KCNIP4: variants seen among roughly 807,000 people sequenced by gnomAD.
The protein encoded by KCNIP4 is potassium voltage-gated channel interacting protein 4.
Under a neutral mutation model 34.0 loss-of-function variants are expected in KCNIP4, and 12 were observed. The ratio of observed to expected loss-of-function variants is 0.35; its 90% CI spans 0.23 to 0.57. KCNIP4 has a LOEUF of 0.57. Ranked by LOEUF, KCNIP4 falls within the 20% of genes least tolerant of loss-of-function variation. KCNIP4 has a pLI of 0.83. For synonymous variants in KCNIP4, 124 were observed against 102.2 expected (o/e 1.21, Z -1.29); for missense variants, 238 against 311.7 (o/e 0.76, Z 1.78).
At chr4:21,053,624 T>A (rs1743129613) in intron 1 of KCNIP4, among the ~76,000 whole-genome samples, 1 of 152,188 alleles carries the variant, frequency 6.6e-6, no homozygotes, top group Non-Finnish European at 1.5e-5. Context: ...TACGAAAGAA[T>A]TGATAAAAAC....
chr4:20,830,520 G>A (rs1370670360), intron 3 of KCNIP4, among the ~76,000 whole-genome samples: 3 of 152,096 alleles, frequency 2.0e-5, no homozygotes, highest in Non-Finnish European at 4.4e-5. Context: ...CTGTGATTTT[G>A]AGATGGGAAT....
intron 4 of KCNIP4, among the ~76,000 whole-genome samples, chr4:20,756,360 A>G (rs761411879): frequency 4.6e-5 from 7 of 152,108 alleles, no homozygotes; most frequent in Non-Finnish European, 8.8e-5. Flanking sequence ...ATCCCATCGC[A>G]TCACTATCTT....
At chr4:20,992,849 G>C (rs1396243043) in intron 1 of KCNIP4, among the ~76,000 whole-genome samples, 1 of 151,892 alleles carries the variant, frequency 6.6e-6, no homozygotes, top group African/African-American at 2.4e-5. Context: ...CCAACATAGT[G>C]AAACCCTGTC....
intron 1 of KCNIP4, among the ~76,000 whole-genome samples, chr4:21,907,373 C>G (rs909469868): frequency 4.6e-5 from 7 of 152,160 alleles, no homozygotes; most frequent in African/African-American, 1.7e-4. Context: ...AGTACGAAAG[C>G]CTTCACCAGA....
At chr4:21,016,363 A>G (rs894415541) in intron 1 of KCNIP4, among the ~76,000 whole-genome samples, 3 of 151,142 alleles carry the variant, frequency 2.0e-5, no homozygotes, top group South Asian at 2.1e-4. Flanking sequence ...CAGTGGCCCA[A>G]TCTCAGCACA....
chr4:21,439,763 G>C (rs1727290666), intron 1 of KCNIP4, among the ~76,000 whole-genome samples: 1 of 146,756 alleles, frequency 6.8e-6, no homozygotes, highest in African/African-American at 2.5e-5. Context: ...TATCAAACTG[G>C]CTCTAATGTG....
chr4:21,686,086 C>A (rs955789811), intron 1 of KCNIP4, among the ~76,000 whole-genome samples: 5 of 152,102 alleles, frequency 3.3e-5, no homozygotes, highest in Non-Finnish European at 7.4e-5. Context: ...TTGTATCTCC[C>A]ATCATAAAAC....
At chr4:21,032,005 G>A (rs1164741015) in intron 1 of KCNIP4, among the ~76,000 whole-genome samples, 2 of 152,094 alleles carry the variant, frequency 1.3e-5, no homozygotes, top group Admixed American at 1.3e-4. Flanking sequence ...ATGTCAACAA[G>A]CAGCAAAGCC....
intron 1 of KCNIP4, among the ~76,000 whole-genome samples, chr4:21,503,284 CATT>C (rs1733513625): frequency 1.3e-5 from 2 of 152,104 alleles, no homozygotes; most frequent in Non-Finnish European, 2.9e-5. Context: ...ACACCTCTCT[CATT>C]ATATAAAGCA....
At chr4:21,440,776 GA>G (rs1268286583) in intron 1 of KCNIP4, among the ~76,000 whole-genome samples, 1 of 152,142 alleles carries the variant, frequency 6.6e-6, no homozygotes, top group Non-Finnish European at 1.5e-5. Flanking sequence ...CAAGCCAAAT[GA>G]AATGATTGGG....
chr4:21,948,655 G>A lies in KCNIP4; in HGVS notation c.-24C>T. The A allele has an allele frequency of 1.2e-6, 2 of 1,608,768 alleles. No homozygotes were observed. Among genetic ancestry groups the A allele is most frequent in the Non-Finnish European group, 1.7e-6 (2 of 1,177,446 alleles). ...ATGTCTAGGGACGCAGGGTGCAGAAGCGAGACTCGAGAGTCCACCGGCCAG... is the reference window on the plus strand; with the variant it reads ...ATGTCTAGGGACGCAGGGTGCAGAAACGAGACTCGAGAGTCCACCGGCCAG... On this transcript the variant is annotated 5_prime_UTR_variant, in exon 1 of 9. Transcript: ENST00000382152.
At chr4:21,292,937 C>CAATG (rs1213302282) in intron 1 of KCNIP4, among the ~76,000 whole-genome samples, 4 of 152,016 alleles carry the variant, frequency 2.6e-5, no homozygotes, top group South Asian at 2.1e-4. Flanking sequence ...ATTATAAATT[C>CAATG]AATGAATGAA....
At position 21,935,962 on chromosome 4, in the gene KCNIP4, T is replaced by TTATATATATA. The variant is rs55704216; in HGVS notation, c.61+12599_61+12608dup. ...CAAATATACCCAAAAGAAATGAAGA[T>TTATATATATA]TATATATATATATATATGCGCACAT... On this transcript the variant is annotated intron_variant, in intron 1 of 8. Transcript: ENST00000382152. Among the ~76,000 whole-genome samples the TTATATATATA allele has an allele frequency of 2.0e-3, 289 of 148,046 alleles. 2 individuals are homozygous for TTATATATATA. The highest frequency in any genetic ancestry group is 5.0e-3 in the African/African-American group (204 of 40,504).
At chr4:20,841,350 G>C (rs2149471683) in intron 3 of KCNIP4, among the ~76,000 whole-genome samples, 1 of 152,262 alleles carries the variant, frequency 6.6e-6, no homozygotes, top group African/African-American at 2.4e-5. Context: ...CCTGCTGTCA[G>C]GAAGCTTAAA....
At chr4:20,788,184 A>G (rs973521047) in intron 3 of KCNIP4, among the ~76,000 whole-genome samples, 7 of 152,280 alleles carry the variant, frequency 4.6e-5, no homozygotes, top group Admixed American at 3.3e-4. Flanking sequence ...GTAGTCTAGC[A>G]AGTATTTTAA....
intron 1 of KCNIP4, among the ~76,000 whole-genome samples, chr4:21,023,891 G>A (rs1027810640): frequency 4.0e-5 from 6 of 151,718 alleles, no homozygotes; most frequent in African/African-American, 1.2e-4. Flanking sequence ...GAAAAAAAAC[G>A]AAAAAAGAAA....
chr4:21,312,158 C>T (rs1428192756), intron 1 of KCNIP4, among the ~76,000 whole-genome samples: 1 of 152,140 alleles, frequency 6.6e-6, no homozygotes, highest in African/African-American at 2.4e-5. Flanking sequence ...TTGAGCTGTA[C>T]ATTACCACAT....
chr4:21,065,434 A>G (rs1444934957), intron 1 of KCNIP4, among the ~76,000 whole-genome samples: 1 of 152,036 alleles, frequency 6.6e-6, no homozygotes, highest in Non-Finnish European at 1.5e-5. Flanking sequence ...TACTCCTACA[A>G]TTGGTTTGAT....
chr4:21,389,100 C>T lies in KCNIP4; in HGVS notation c.62-506391G>A, dbSNP rs140171993. On this transcript the variant is annotated intron_variant, in intron 1 of 8. Transcript: ENST00000382152. ...CCCTGGGCTCAGGTGATCCTCCCAC[C>T]GCAACTTCCTTAGAAGCTGGGACTA... Among the ~76,000 whole-genome samples, 533 of 151,920 alleles carry T rather than the reference C, an allele frequency of 3.5e-3. 3 individuals carry two copies. The highest frequency in any genetic ancestry group is 0.012 in the African/African-American group (505 of 41,426).
Sources: gnomAD v4.1 joint callset for allele counts (sites outside exome capture counted in the v4.1 genomes callset) on GRCh38, gnomAD v4.1.1 for gene constraint, MANE v1.5 for transcripts, NCBI Gene and HGNC (gene_info 2026-07-23, HGNC 2026-07-21) for gene names.